MTCL1: variants seen among roughly 807,000 people sequenced by gnomAD.
MTCL1 encodes the protein microtubule crosslinking factor 1, also known as microtubule cross-linking factor 1.
A neutral mutation model predicts 141.4 loss-of-function variants in MTCL1; 79 were observed. The ratio of observed to expected loss-of-function variants is 0.56; its 90% CI spans 0.47 to 0.67. The LOEUF is 0.67. Ranked by LOEUF, MTCL1 falls within the 30% of genes least tolerant of loss-of-function variation. MTCL1 has a pLI of 0.00. For missense variants in MTCL1, 2,177 were observed against 2,113.9 expected (o/e 1.03, Z -0.59); for synonymous variants, 914 against 875.8 (o/e 1.04, Z -0.77).
At chr18:8,831,554 A>G (rs2144577632) in intron 16 of MTCL1, 53 bp from the exon 15 acceptor site, 10 of 1,537,172 alleles carry the variant, frequency 6.5e-6, no homozygotes, top group East Asian at 2.5e-5. Context: ...GGAATCATCC[A>G]CTGGTGACAC....
At chr18:8,729,413 A>AT (rs148429467) in intron 4 of MTCL1, among the ~76,000 whole-genome samples, 181 of 151,586 alleles carry the variant, frequency 1.2e-3, no homozygotes, top group African/African-American at 4.3e-3. Flanking sequence ...ATTAATTAAA[A>AT]TTTTTTTAGA....
chr18:8,731,707 C>T (rs1567953187), intron 4 of MTCL1, among the ~76,000 whole-genome samples: 1 of 151,298 alleles, frequency 6.6e-6, no homozygotes, highest in African/African-American at 2.4e-5. Flanking sequence ...CTGCTCTTCT[C>T]AAAAAAAAAA....
intron 4 of MTCL1, among the ~76,000 whole-genome samples, chr18:8,752,903 G>A (rs565322043): frequency 6.6e-6 from 1 of 152,332 alleles, no homozygotes; most frequent in African/African-American, 2.4e-5. Flanking sequence ...GCCACAAAGA[G>A]CTGGACATGA....
intron 3 of MTCL1, among the ~76,000 whole-genome samples, 190 bp downstream of exon 2, chr18:8,718,838 G>T (rs1386263510): frequency 6.6e-6 from 1 of 152,038 alleles, no homozygotes; most frequent in Non-Finnish European, 1.5e-5. Context: ...GTTTACATTT[G>T]TCATAATATG....
intron 4 of MTCL1, among the ~76,000 whole-genome samples, chr18:8,727,782 T>C (rs2096225506): frequency 6.6e-6 from 1 of 152,184 alleles, no homozygotes. Context: ...ATATAAGCAT[T>C]GTGGCTACTG....
chr18:8,777,078 CAA>C (rs372854852), intron 4 of MTCL1, among the ~76,000 whole-genome samples: 1 of 151,574 alleles, frequency 6.6e-6, no homozygotes, highest in Non-Finnish European at 1.5e-5. Flanking sequence ...ACTAAAAATA[CAA>C]AAAAAATTAG....
Position 8,809,884 on chromosome 18 carries a change from G to A in MTCL1, c.2604+2824G>A, listed in dbSNP as rs146371490. 2.6e-3 allele frequency: 953 copies of A among 361,112 alleles called. 12 individuals are homozygous for A. The highest frequency in any genetic ancestry group is 0.018 in the African/African-American group (903 of 49,120). The allele number at this position is 361,112 out of a possible 1,614,324, so 22.4% of individuals were successfully genotyped here. ...TATATACCTGGGTGTGAATGAGGAG[G>A]TGGGAGGCAGGGCCATGGAGGACGC... On this transcript the variant is annotated intron_variant, in intron 11 of 16. Coordinates refer to ENST00000359865, the Ensembl canonical transcript of MTCL1.
At chr18:8,707,410 G>C (rs1567916719) in intron 1 of MTCL1, 1 of 152,582 alleles carries the variant, frequency 6.6e-6, no homozygotes, top group Non-Finnish European at 1.5e-5. Context: ...CTAAGGAATC[G>C]CGGCGCCTGC....
intron 4 of MTCL1, among the ~76,000 whole-genome samples, chr18:8,721,980 A>T (rs866382894): frequency 2.6e-5 from 4 of 152,142 alleles, no homozygotes; most frequent in Admixed American, 6.5e-5. Context: ...GGCCTCCCAG[A>T]GGAAGAGGTT....
At position 8,828,499 on chromosome 18, in the gene MTCL1, C is replaced by T. The variant is rs116187853; in HGVS notation, c.4723-409C>T. On this transcript the variant is annotated intron_variant, in intron 15 of 16. Transcript: ENST00000359865. The surrounding 1 kb of genome is among the most constrained non-coding windows in gnomAD (Gnocchi z 5.2). ...GTGGCAGTAGCTTGGCTGTTGTGAC[C>T]GAAACAAACGCAGCCGTATAATAGT... 0.031 allele frequency among the ~76,000 whole-genome samples: 4,698 copies of T among 152,178 alleles called. 241 individuals carry two copies. The highest frequency in any genetic ancestry group is 0.11 in the African/African-American group (4,429 of 41,498).
intron 8 of MTCL1, among the ~76,000 whole-genome samples, chr18:8,795,895 C>T (rs575166094): frequency 8.5e-5 from 13 of 152,180 alleles, no homozygotes; most frequent in Non-Finnish European, 1.9e-4. Context: ...AATCTGCTTA[C>T]ACCGGATTCA....
In MTCL1 at chr18:8,721,313, G is replaced by T. The variant is rs1264627841; in HGVS notation, c.357+817G>T. ...TTGGAACAGTTTCCTGATTCACACA[G>T]TTCTTCCCTATCCATGCCCCCTCCC... On this transcript the variant is annotated intron_variant, in intron 4 of 16. Coordinates refer to ENST00000359865, the Ensembl canonical transcript of MTCL1. Among the ~76,000 whole-genome samples, 3 of 152,162 alleles carry T rather than the reference G, an allele frequency of 2.0e-5. No homozygotes were observed. In the East Asian group the frequency reaches 5.8e-4, roughly 29 times the overall value.
chr18:8,793,188 C>G (rs556925337), intron 8 of MTCL1, 68 bp downstream of exon 7: 372 of 1,587,512 alleles, frequency 2.3e-4, no homozygotes, highest in Admixed American at 1.2e-3. Context: ...AGAAATGCCA[C>G]GATACATTTT....
chr18:8,784,183 C>A, exon 6 of MTCL1: 2 of 1,613,838 alleles, frequency 1.2e-6, no homozygotes, highest in South Asian at 1.1e-5. Context: ...AACTGCAGCA[C>A]GAGAACCACG....
chr18:8,755,924 G>T (rs1176745955), intron 4 of MTCL1, among the ~76,000 whole-genome samples: 1 of 152,146 alleles, frequency 6.6e-6, no homozygotes, highest in Non-Finnish European at 1.5e-5. Context: ...AAGATCACTG[G>T]AGCCCAGGAG....
upstream of MTCL1, among the ~76,000 whole-genome samples, chr18:8,713,907 C>T (rs377622446): frequency 3.9e-5 from 6 of 152,286 alleles, no homozygotes; most frequent in East Asian, 1.9e-4. Context: ...TGCACCACTG[C>T]GCTCCAGGTT....
chr18:8,715,452 A>G, upstream of MTCL1, among the ~76,000 whole-genome samples: 1 of 152,252 alleles, frequency 6.6e-6, no homozygotes, highest in East Asian at 1.9e-4. Context: ...TTCCATGAAC[A>G]GAATGGCCAG....
At chr18:8,766,013 A>G (rs1337076140) in intron 4 of MTCL1, among the ~76,000 whole-genome samples, 1 of 152,218 alleles carries the variant, frequency 6.6e-6, no homozygotes, top group Admixed American at 6.5e-5. Flanking sequence ...AATAATGCAC[A>G]CATTCACCCT....
At chr18:8,831,903 C>A in exon 17 of MTCL1, 1 of 1,372,530 alleles carries the variant, frequency 7.3e-7, no homozygotes, top group Non-Finnish European at 1.0e-6. Flanking sequence ...CTAGTTTTCT[C>A]AAGGTCAAAG....
Sources: gnomAD v4.1 joint callset for allele counts (sites outside exome capture counted in the v4.1 genomes callset) on GRCh38, gnomAD v4.1.1 for gene constraint, Gnocchi (gnomAD v3.1) non-coding constraint, MANE v1.5 for transcripts, NCBI Gene and HGNC (gene_info 2026-07-23, HGNC 2026-07-21) for gene names.